Variants in LOC122539214 observed in about 807,000 individuals in gnomAD.
chr19:52,667,004 A>C, the LOC122539214 span, among the ~76,000 whole-genome samples: 2 of 152,358 alleles, frequency 1.3e-5, no homozygotes, highest in African/African-American at 4.8e-5. Flanking sequence ...ATCAGGAAGG[A>C]GGCCACCTAT....
the LOC122539214 span, among the ~76,000 whole-genome samples, chr19:52,666,289 G>A: frequency 1.3e-5 from 2 of 151,942 alleles, no homozygotes; most frequent in Non-Finnish European, 1.5e-5. Flanking sequence ...AGAGAGAGTA[G>A]TAGTAGAGAG....
chr19:52,661,231 G>A, the LOC122539214 span, among the ~76,000 whole-genome samples: 82 of 152,100 alleles, frequency 5.4e-4, no homozygotes, highest in East Asian at 0.01. Context: ...GACCTTACCC[G>A]GTATAAAGAC....
At chr19:52,690,011 T>C in the LOC122539214 span, among the ~76,000 whole-genome samples, 4 of 152,230 alleles carry the variant, frequency 2.6e-5, no homozygotes, top group East Asian at 3.9e-4. Context: ...GGGTGGGGTC[T>C]GCAGGATCCC....
At chr19:52,677,192 A>G in the LOC122539214 span, among the ~76,000 whole-genome samples, 18 of 151,792 alleles carry the variant, frequency 1.2e-4, no homozygotes, top group Admixed American at 1.2e-3. Context: ...AAAAACAAAA[A>G]CAAAACAATC....
the LOC122539214 span, among the ~76,000 whole-genome samples, chr19:52,685,897 CAAAAAAAAAAAAAAA>C: frequency 1.5e-5 from 2 of 132,442 alleles, no homozygotes; most frequent in Admixed American, 8.4e-5. Context: ...GTAACTGTCA[CAAAAAAAAAAAAAAA>C]AAAAAAAAAA....
At chr19:52,687,631 A>ATGTATATATATATATATATAATG in the LOC122539214 span, among the ~76,000 whole-genome samples, 1 of 10,726 alleles carries the variant, frequency 9.3e-5, no homozygotes, top group African/African-American at 3.9e-4. Context: ...TATATATATA[A>ATGTATATATATATATATATAATG]TGTATATATA....
chr19:52,680,606 A>ATTTTTTTTTTTTT, the LOC122539214 span, among the ~76,000 whole-genome samples: 1 of 88,960 alleles, frequency 1.1e-5, no homozygotes, highest in Non-Finnish European at 2.1e-5. Context: ...TCCACAAAAT[A>ATTTTTTTTTTTTT]TTTTTTTTTT....
At chr19:52,680,698 C>T in the LOC122539214 span, among the ~76,000 whole-genome samples, 619 of 141,760 alleles carry the variant, frequency 4.4e-3, 3 homozygotes, top group African/African-American at 0.016. Context: ...CTGCAAGCTC[C>T]GCCTCCCGGG....
At chr19:52,684,816 G>A in the LOC122539214 span, among the ~76,000 whole-genome samples, 2 of 152,178 alleles carry the variant, frequency 1.3e-5, no homozygotes, top group African/African-American at 4.8e-5. Flanking sequence ...TGTGACTGGG[G>A]CAGAGGGAGT....
At chr19:52,676,277 T>G in the LOC122539214 span, among the ~76,000 whole-genome samples, 1 of 152,188 alleles carries the variant, frequency 6.6e-6, no homozygotes. Flanking sequence ...TCTCGTTCAC[T>G]CAGTGCTCAA....
chr19:52,678,892 T>C, the LOC122539214 span, among the ~76,000 whole-genome samples: 1 of 151,664 alleles, frequency 6.6e-6, no homozygotes, highest in African/African-American at 2.4e-5. Context: ...GGAGAATCAC[T>C]TGAACCCAGG....
the LOC122539214 span, among the ~76,000 whole-genome samples, chr19:52,658,578 A>C: frequency 4.6e-5 from 7 of 152,210 alleles, no homozygotes; most frequent in East Asian, 1.9e-4. Flanking sequence ...TAGGGGCAGA[A>C]ATATTAAAGA....
At chr19:52,683,814 C>A in the LOC122539214 span, among the ~76,000 whole-genome samples, 8 of 152,186 alleles carry the variant, frequency 5.3e-5, no homozygotes, top group Non-Finnish European at 1.0e-4. Context: ...GCCCCTCAGT[C>A]TTCCGAGGAC....
the LOC122539214 span, among the ~76,000 whole-genome samples, chr19:52,687,402 AGC>A: frequency 7.6e-3 from 507 of 66,510 alleles, 200 homozygotes; most frequent in African/African-American, 0.034. Context: ...TAATTTATAT[AGC>A]TATATAAATT....
chr19:52,666,284 G>GT, the LOC122539214 span, among the ~76,000 whole-genome samples: 2 of 151,890 alleles, frequency 1.3e-5, no homozygotes, highest in African/African-American at 4.8e-5. Context: ...GAGAGAGAGA[G>GT]AGTAGTAGTA....
the LOC122539214 span, among the ~76,000 whole-genome samples, chr19:52,664,220 G>A: frequency 2.6e-5 from 4 of 150,976 alleles, no homozygotes; most frequent in African/African-American, 7.3e-5. Flanking sequence ...AACAAGCTGG[G>A]TGTGGTGGCT....
chr19:52,689,239 GA>G, the LOC122539214 span, among the ~76,000 whole-genome samples: 1 of 152,118 alleles, frequency 6.6e-6, no homozygotes, highest in African/African-American at 2.4e-5. Flanking sequence ...TGAATCCACT[GA>G]GCCAGTGCGT....
At chr19:52,650,622 T>G in the LOC122539214 span, 2 of 152,170 alleles carry the variant, frequency 1.3e-5, no homozygotes, top group Non-Finnish European at 2.9e-5. Flanking sequence ...TGCCCTCTAA[T>G]ATAAATTGTT....
the LOC122539214 span, among the ~76,000 whole-genome samples, chr19:52,687,604 TATATATAATGTGTATATATATATATA>T: frequency 7.7e-5 from 3 of 38,968 alleles, no homozygotes; most frequent in African/African-American, 4.1e-4. Context: ...ATAATGTATA[TATATATAATGTGTATATATATATATA>T]ATGTATATAT....
Sources: allele counts gnomAD v4.1 joint callset (sites outside exome capture counted in the v4.1 genomes callset), GRCh38; gene constraint gnomAD v4.1.1; transcripts MANE v1.5.